The following DOCK1 variants were observed in gnomAD, a reference collection of about 807,000 sequenced individuals.
DOCK1 encodes the protein dedicator of cytokinesis 1.
In DOCK1, 138 loss-of-function variants were observed where a neutral mutation model predicts 262.7. That is an observed-to-expected ratio of 0.53 (90% CI 0.46 to 0.61). DOCK1 has a LOEUF of 0.61. DOCK1 is among the 20% of genes least tolerant of loss of function. DOCK1 has a pLI of 0.00. For missense variants in DOCK1, 1,908 were observed against 2,370.7 expected (o/e 0.80, Z 4.05); for synonymous variants, 866 against 867.4 (o/e 1.00, Z 0.03).
In DOCK1 at chr10:127,384,706, G is replaced by A. The variant is rs532596525; in HGVS notation, c.3808-84G>A. On this transcript the variant is annotated intron_variant, in intron 37 of 51. Coordinates refer to ENST00000623213, the MANE Select transcript of DOCK1 (RefSeq NM_001290223.2). ...ATGTCTCCAGAACCGCGGCCCACACGCGTGTCCGATGCGAAGCTCACACCA... is the reference window on the plus strand; with the variant it reads ...ATGTCTCCAGAACCGCGGCCCACACACGTGTCCGATGCGAAGCTCACACCA... 20 of 1,427,008 alleles carry A rather than the reference G, an allele frequency of 1.4e-5. No individual in the cohort carries two copies. The East Asian group carries it at 3.1e-4, about 22-fold the overall frequency. The allele number at this position is 1,427,008 out of a possible 1,614,324, so 88.4% of individuals were successfully genotyped here.
intron 27 of DOCK1, among the ~76,000 whole-genome samples, chr10:127,239,787 T>C (rs1049893522): frequency 2.0e-5 from 3 of 152,164 alleles, no homozygotes; most frequent in South Asian, 2.1e-4. Context: ...ATTGAGTATA[T>C]AAAAATAACG....
At chr10:127,350,168 A>C (rs80060873) in intron 31 of DOCK1, among the ~76,000 whole-genome samples, 6,128 of 152,210 alleles carry the variant, frequency 0.04, 280 homozygotes, top group African/African-American at 0.11. Context: ...CTTTATACAC[A>C]TGCATGTATA....
intron 27 of DOCK1, among the ~76,000 whole-genome samples, chr10:127,174,554 C>G (rs545438446): frequency 1.3e-5 from 2 of 152,276 alleles, no homozygotes; most frequent in East Asian, 3.9e-4. Flanking sequence ...AAGTTAGTAT[C>G]ATTCTTTCTG....
chr10:127,271,125 A>AT (rs1047112009), intron 29 of DOCK1, among the ~76,000 whole-genome samples: 2,364 of 148,338 alleles, frequency 0.016, 46 homozygotes, highest in African/African-American at 0.051. Context: ...TGACTGCAGG[A>AT]TTTTTTTTTT....
At chr10:127,134,506 A>T (rs1264872369) in intron 27 of DOCK1, among the ~76,000 whole-genome samples, 1 of 152,172 alleles carries the variant, frequency 6.6e-6, no homozygotes, top group East Asian at 1.9e-4. Context: ...GAAGGAGCAG[A>T]TGCAGGACTA....
intron 33 of DOCK1, among the ~76,000 whole-genome samples, chr10:127,369,767 G>A (rs1207458473): frequency 6.6e-6 from 1 of 152,192 alleles, no homozygotes; most frequent in Non-Finnish European, 1.5e-5. Context: ...AGGAGGATGT[G>A]GAGGTTTTTG....
intron 1 of DOCK1, among the ~76,000 whole-genome samples, chr10:126,956,577 T>TC (rs2036757465): frequency 6.6e-6 from 1 of 152,148 alleles, no homozygotes; most frequent in Non-Finnish European, 1.5e-5. Flanking sequence ...GAAAAGCAGC[T>TC]CCTCAGCTCG....
At chr10:127,126,241 C>G (rs2049950546) in intron 26 of DOCK1, among the ~76,000 whole-genome samples, 2 of 152,096 alleles carry the variant, frequency 1.3e-5, no homozygotes, top group Admixed American at 1.3e-4. Flanking sequence ...ATTATAGGTG[C>G]CTGCCACCAT....
chr10:127,029,055 G>A (rs1425839497), intron 16 of DOCK1, among the ~76,000 whole-genome samples: 1 of 152,236 alleles, frequency 6.6e-6, no homozygotes, highest in Non-Finnish European at 1.5e-5. Context: ...GATAGCTCCT[G>A]TAGCATTTTA....
In DOCK1 at chr10:127,175,147, G is replaced by T; in HGVS notation, c.2847+47383G>T. ...GTCTCATTACAGACTTGGGTTTGGG[G>T]CTACAGATGGACTCTGTGGTGATCA... On this transcript the variant is annotated intron_variant, in intron 27 of 51. Transcript: ENST00000623213. The surrounding 1 kb of genome is among the most constrained non-coding windows in gnomAD (Gnocchi z 6.3). 2.2e-6 allele frequency: 3 copies of T among 1,374,150 alleles called. No individual in the cohort carries two copies. Among genetic ancestry groups the T allele is most frequent in the African/African-American group, 1.4e-5 (1 of 69,446 alleles). The allele number at this position is 1,374,150 out of a possible 1,614,324, so 85.1% of individuals were successfully genotyped here.
intron 1 of DOCK1, among the ~76,000 whole-genome samples, chr10:126,934,428 G>A (rs2134202334): frequency 6.6e-6 from 1 of 152,330 alleles, no homozygotes; most frequent in African/African-American, 2.4e-5. Flanking sequence ...CCCACCTTCG[G>A]AGAGAAGCCG....
intron 16 of DOCK1, among the ~76,000 whole-genome samples, chr10:127,026,916 A>G (rs920474504): frequency 6.6e-6 from 1 of 151,946 alleles, no homozygotes; most frequent in African/African-American, 2.4e-5. Flanking sequence ...TATTTGAATC[A>G]CTCTCCTTCA....
chr10:127,050,286 A>C (rs1329298219), intron 21 of DOCK1, among the ~76,000 whole-genome samples: 1 of 151,242 alleles, frequency 6.6e-6, no homozygotes, highest in African/African-American at 2.4e-5. Context: ...TATAATAGAT[A>C]TTTCCAAATA....
rs1225015052 is a variant in DOCK1 at position 127,261,291 on chromosome 10, A to G, written c.3044+3862A>G. ...TGTGTGTGTGCCTGCATGTGTGTGCATGTGGGTGTGTGTGTGTGTGCCTGC... is the reference window on the plus strand; with the variant it reads ...TGTGTGTGTGCCTGCATGTGTGTGCGTGTGGGTGTGTGTGTGTGTGCCTGC... On this transcript the variant is annotated intron_variant, in intron 29 of 51. Coordinates refer to ENST00000623213, the MANE Select transcript of DOCK1 (RefSeq NM_001290223.2). 6.6e-4 allele frequency among the ~76,000 whole-genome samples: 32 copies of G among 48,520 alleles called. 1 individual carries two copies. The highest frequency in any genetic ancestry group is 2.5e-3 in the African/African-American group (28 of 11,052). 31.8% of individuals were successfully genotyped at this position (48,520 alleles called of 152,430 possible).
At chr10:126,954,513 A>G (rs1399706675) in intron 1 of DOCK1, among the ~76,000 whole-genome samples, 2 of 152,238 alleles carry the variant, frequency 1.3e-5, no homozygotes, top group Non-Finnish European at 2.9e-5. Context: ...TTGGGCAACC[A>G]TCACCACCAT....
intron 23 of DOCK1, among the ~76,000 whole-genome samples, chr10:127,088,423 T>C (rs901840881): frequency 4.6e-5 from 7 of 152,166 alleles, no homozygotes; most frequent in African/African-American, 1.7e-4. Context: ...AGCTGCCTAG[T>C]GGTTATGTGC....
chr10:127,437,775 G>A lies in DOCK1; in HGVS notation c.5061-1252G>A, dbSNP rs56234205. Among the ~76,000 whole-genome samples, 2,063 of 152,264 alleles carry A rather than the reference G, an allele frequency of 0.014. 37 individuals are homozygous for A. The highest frequency in any genetic ancestry group is 0.043 in the African/African-American group (1,777 of 41,568). ...ATTATAGGCATGAGCCACCATGCCC[G>A]GCCCTGCAATGGCCTTCTTAATGAG... On this transcript the variant is annotated intron_variant, in intron 48 of 51. Transcript: ENST00000623213. The surrounding 1 kb of genome is among the most constrained non-coding windows in gnomAD (Gnocchi z 4.4).
At chr10:127,261,081 C>T (rs1590171593) in intron 29 of DOCK1, among the ~76,000 whole-genome samples, 1 of 115,676 alleles carries the variant, frequency 8.6e-6, no homozygotes, top group Non-Finnish European at 1.7e-5. Context: ...GTGTGTGTAC[C>T]TGTGCTCATC....
chr10:127,308,989 C>T (rs1357068508), intron 29 of DOCK1, among the ~76,000 whole-genome samples: 1 of 152,176 alleles, frequency 6.6e-6, no homozygotes, highest in Non-Finnish European at 1.5e-5. Context: ...ATTTCTGGTT[C>T]TAGATCCTTG....
Sources: allele counts gnomAD v4.1 joint callset (sites outside exome capture counted in the v4.1 genomes callset), GRCh38; gene constraint gnomAD v4.1.1; non-coding constraint Gnocchi (gnomAD v3.1); transcripts MANE v1.5; gene names NCBI Gene and HGNC (gene_info 2026-07-23, HGNC 2026-07-21).